Variants in UBE3C observed in about 807,000 individuals in gnomAD.
The protein encoded by UBE3C is ubiquitin protein ligase E3C.
Under a neutral mutation model 129.4 loss-of-function variants are expected in UBE3C, and 42 were observed. The ratio of observed to expected loss-of-function variants is 0.32; its 90% CI spans 0.25 to 0.42. UBE3C has a LOEUF of 0.42. Ranked by LOEUF, UBE3C falls within the 10% of genes least tolerant of loss-of-function variation. The probability of loss-of-function intolerance (pLI) is 1.00; values close to 1 mark genes in which losing one functional copy is unlikely to be tolerated. For synonymous variants in UBE3C, 510 were observed against 492.4 expected (o/e 1.04, Z -0.47); for missense variants, 1,049 against 1,319.1 (o/e 0.80, Z 3.17).
intron 14 of UBE3C, among the ~76,000 whole-genome samples, chr7:157,217,446 C>T (rs1442720305): frequency 6.6e-6 from 1 of 152,064 alleles, no homozygotes. Flanking sequence ...GCCACCACAC[C>T]AGTCCTTTAT....
At chr7:157,158,941 T>C (rs1807992181) in intron 1 of UBE3C, among the ~76,000 whole-genome samples, 1 of 152,258 alleles carries the variant, frequency 6.6e-6, no homozygotes, top group South Asian at 2.1e-4. Context: ...AACTAAAGTC[T>C]GCTCCCTTTT....
intron 1 of UBE3C, among the ~76,000 whole-genome samples, chr7:157,141,206 G>A (rs927414679): frequency 5.3e-5 from 8 of 152,122 alleles, no homozygotes; most frequent in Non-Finnish European, 1.2e-4. Context: ...GGGTGCCCTG[G>A]CCTGGTTAAG....
chr7:157,157,366 T>C lies in UBE3C; in HGVS notation c.67-6444T>C, dbSNP rs138738277. Among the ~76,000 whole-genome samples the C allele has an allele frequency of 5.0e-3, 757 of 152,274 alleles. 1 individual carries two copies. Among genetic ancestry groups the C allele is most frequent in the Middle Eastern group, 0.024 (7 of 294 alleles). On this transcript the variant is annotated intron_variant, in intron 1 of 22. Transcript: ENST00000348165. ...AGTAACAAAGGGAATATTTGTAGCATCATGAAAATGATTATTTGTAGAACA... is the reference window on the plus strand; with the variant it reads ...AGTAACAAAGGGAATATTTGTAGCACCATGAAAATGATTATTTGTAGAACA...
intron 4 of UBE3C, 39 bp downstream of exon 4, chr7:157,170,489 C>T (rs756586208): frequency 8.7e-5 from 127 of 1,467,312 alleles, no homozygotes; most frequent in Non-Finnish European, 1.1e-4. Context: ...CTCGTTTACA[C>T]GTGTTCTGCT....
chr7:157,237,199 T>C (rs1314492572), intron 18 of UBE3C, among the ~76,000 whole-genome samples: 2 of 151,866 alleles, frequency 1.3e-5, no homozygotes, highest in African/African-American at 2.4e-5. Flanking sequence ...CCCAACACTT[T>C]GGGAGGCCGA....
chr7:157,256,306 C>T (rs538279619), intron 21 of UBE3C, among the ~76,000 whole-genome samples: 2 of 152,178 alleles, frequency 1.3e-5, no homozygotes, highest in African/African-American at 2.4e-5. Flanking sequence ...CAACATCCAG[C>T]GAATTTTTGT....
intron 13 of UBE3C, among the ~76,000 whole-genome samples, chr7:157,208,718 A>G (rs1295894171): frequency 6.6e-6 from 1 of 152,204 alleles, no homozygotes; most frequent in Admixed American, 6.5e-5. Flanking sequence ...TCTTAACCAG[A>G]AAGTGAAGTT....
chr7:157,257,077 CCACTTCAT>C (rs1318283629), intron 22 of UBE3C, 33 bp downstream of exon 22: 1 of 1,611,882 alleles, frequency 6.2e-7, no homozygotes, highest in Admixed American at 1.7e-5. Context: ...GCTTTAAAGA[CCACTTCAT>C]AATAAGAAAG....
chr7:157,260,583 T>C (rs1304371216), intron 22 of UBE3C, among the ~76,000 whole-genome samples: 2 of 152,248 alleles, frequency 1.3e-5, no homozygotes, highest in Non-Finnish European at 2.9e-5. Flanking sequence ...AAGATTTTAA[T>C]GCCATTTGGT....
chr7:157,142,877 G>A (rs1807493891), intron 1 of UBE3C, among the ~76,000 whole-genome samples: 2 of 150,274 alleles, frequency 1.3e-5, no homozygotes, highest in South Asian at 2.1e-4. Context: ...TTTTGAGATG[G>A]AGTTTCGCTC....
chr7:157,152,595 G>A (rs192237663), intron 1 of UBE3C, among the ~76,000 whole-genome samples: 52 of 152,188 alleles, frequency 3.4e-4, no homozygotes, highest in African/African-American at 1.1e-3. Context: ...CATTGATCTC[G>A]ACTTCTGATA....
At chr7:157,229,741 A>C (rs1311183551) in intron 17 of UBE3C, among the ~76,000 whole-genome samples, 3 of 152,016 alleles carry the variant, frequency 2.0e-5, no homozygotes, top group African/African-American at 7.2e-5. Context: ...GATCCTCTTG[A>C]GTAGCTGGAA....
chr7:157,213,474 A>G (rs566943161), intron 13 of UBE3C, among the ~76,000 whole-genome samples: 9 of 152,234 alleles, frequency 5.9e-5, no homozygotes, highest in Non-Finnish European at 1.2e-4. Context: ...CACAGGCCTA[A>G]CCCTGCAGAT....
intron 10 of UBE3C, among the ~76,000 whole-genome samples, chr7:157,196,645 T>C (rs1278950839): frequency 2.0e-5 from 3 of 152,224 alleles, no homozygotes; most frequent in Admixed American, 6.5e-5. Flanking sequence ...TTTAAAATGC[T>C]GTTGCTGTTT....
intron 1 of UBE3C, among the ~76,000 whole-genome samples, chr7:157,140,241 T>A (rs1429650670): frequency 6.6e-6 from 1 of 152,174 alleles, no homozygotes; most frequent in East Asian, 1.9e-4. Context: ...ATCAGTATAT[T>A]CTGTATATCA....
chr7:157,147,324 C>T (rs1807633614), intron 1 of UBE3C, among the ~76,000 whole-genome samples: 1 of 152,112 alleles, frequency 6.6e-6, no homozygotes, highest in South Asian at 2.1e-4. Context: ...TTTCAAATTC[C>T]AGTTCATTGC....
chr7:157,236,542 A>T (rs1171885396), intron 18 of UBE3C, among the ~76,000 whole-genome samples: 1 of 152,166 alleles, frequency 6.6e-6, no homozygotes, highest in Non-Finnish European at 1.5e-5. Flanking sequence ...TTAACAGTTT[A>T]TCTTGAGATT....
chr7:157,201,209 A>G (rs1164134958), intron 10 of UBE3C, among the ~76,000 whole-genome samples: 3 of 152,058 alleles, frequency 2.0e-5, no homozygotes, highest in Non-Finnish European at 4.4e-5. Flanking sequence ...CTGTAATCCC[A>G]GGTACTCAGG....
At chr7:157,176,901 A>G (rs993146629) in intron 5 of UBE3C, among the ~76,000 whole-genome samples, 21 of 152,210 alleles carry the variant, frequency 1.4e-4, no homozygotes, top group African/African-American at 4.6e-4. Flanking sequence ...TTGTACTTCA[A>G]GTGTATGTTA....
Sources: allele counts gnomAD v4.1 joint callset (sites outside exome capture counted in the v4.1 genomes callset), GRCh38; gene constraint gnomAD v4.1.1; transcripts MANE v1.5; gene names NCBI Gene and HGNC (gene_info 2026-07-23, HGNC 2026-07-21).